The following DNAJC11 variants were observed in gnomAD, a reference collection of about 807,000 sequenced individuals.
DNAJC11 encodes dnaJ homolog subfamily C member 11.
In DNAJC11, 15 loss-of-function variants were observed where a neutral mutation model predicts 78.6. That is an observed-to-expected ratio of 0.19 (90% CI 0.13 to 0.29). The LOEUF (loss-of-function observed/expected upper bound fraction) is 0.29. DNAJC11 is among the 10% of genes least tolerant of loss of function. DNAJC11 has a pLI of 1.00. For missense variants in DNAJC11, 547 were observed against 709.6 expected (o/e 0.77, Z 2.60); for synonymous variants, 292 against 272.1 (o/e 1.07, Z -0.72).
In DNAJC11 at chr1:6,634,384, C is replaced by A; in HGVS notation, c.*1291G>T. The A allele has an allele frequency of 8.4e-7, 1 of 1,191,880 alleles. No individual in the cohort carries two copies. The highest frequency in any genetic ancestry group is 1.1e-6 in the Non-Finnish European group (1 of 912,468). 73.8% of individuals were successfully genotyped at this position (1,191,880 alleles called of 1,614,324 possible). ...AGATGAATGTTACAGAATTGGACAA[C>A]CCGAACTGCTTTTCAAAACCAGAGG... On this transcript the variant is annotated 3_prime_UTR_variant, in exon 16 of 16. Transcript: ENST00000377577.
chr1:6,671,244 G>C (rs1290874038), intron 3 of DNAJC11, among the ~76,000 whole-genome samples: 1 of 152,134 alleles, frequency 6.6e-6, no homozygotes, highest in Non-Finnish European at 1.5e-5. Flanking sequence ...ACAGAGTCTT[G>C]CTCAATTTAT....
At chr1:6,636,088 C>G in intron 15 of DNAJC11, 29 bp downstream of exon 15, 1 of 1,603,250 alleles carries the variant, frequency 6.2e-7, no homozygotes, top group Non-Finnish European at 8.5e-7. Context: ...CCCCCGTTAG[C>G]TGGTGACTGC....
chr1:6,681,154 A>G (rs1642545686), intron 1 of DNAJC11, 117 bp from the exon 2 acceptor site: 1 of 1,099,078 alleles, frequency 9.1e-7, no homozygotes. Context: ...TGCTCTCGAC[A>G]TACAGGATGT....
Position 6,651,706 on chromosome 1 carries a change from C to T in DNAJC11, c.631-104G>A, listed in dbSNP as rs1411897408. ...AGGTATAATTCCTTCATTCAATTCA[C>T]TGGTCTTGCCAGGGCTCTAAAAGAA... On this transcript the variant is annotated intron_variant, in intron 6 of 15. Coordinates refer to ENST00000377577, the MANE Select transcript of DNAJC11 (RefSeq NM_018198.4). 37 of 838,708 alleles carry T rather than the reference C, an allele frequency of 4.4e-5. 1 individual carries two copies. In the Admixed American group the frequency reaches 8.3e-4, roughly 19 times the overall value. The allele number at this position is 838,708 out of a possible 1,614,324, so 52.0% of individuals were successfully genotyped here. A position where few individuals can be genotyped will look rare whatever the true frequency, so the allele number is the denominator to read the frequency against.
At chr1:6,692,469 C>T (rs1340405964) in intron 1 of DNAJC11, among the ~76,000 whole-genome samples, 1 of 151,938 alleles carries the variant, frequency 6.6e-6, no homozygotes, top group Non-Finnish European at 1.5e-5. Context: ...CTGCACCCTA[C>T]TCCCATACTT....
intron 1 of DNAJC11, among the ~76,000 whole-genome samples, chr1:6,690,700 G>A (rs1031193552): frequency 2.0e-5 from 3 of 152,298 alleles, no homozygotes; most frequent in East Asian, 1.9e-4. Context: ...TGAGGTGGGC[G>A]GATCACGAGG....
At chr1:6,639,197 T>C (rs1173307964) in intron 11 of DNAJC11, among the ~76,000 whole-genome samples, 3 of 141,560 alleles carry the variant, frequency 2.1e-5, no homozygotes, top group Middle Eastern at 3.6e-3. Context: ...TGTGTTTCTG[T>C]GACTTTCAAG....
rs558064829 is a variant in DNAJC11 at position 6,688,043 on chromosome 1, T to C, written c.73-7006A>G. Among the ~76,000 whole-genome samples, 291 of 152,356 alleles carry C rather than the reference T, an allele frequency of 1.9e-3. 2 individuals are homozygous for C. The highest frequency in any genetic ancestry group is 3.4e-3 in the Middle Eastern group (1 of 294). ...TCTGAAACTTGTTTTCTTTTACAAA[T>C]GTCATTAGTGGTGCTAGTGCAAAAG... On this transcript the variant is annotated intron_variant, in intron 1 of 15. Coordinates refer to ENST00000377577, the MANE Select transcript of DNAJC11 (RefSeq NM_018198.4).
At chr1:6,674,107 G>GA (rs1463784310) in intron 3 of DNAJC11, among the ~76,000 whole-genome samples, 1 of 152,066 alleles carries the variant, frequency 6.6e-6, no homozygotes, top group Non-Finnish European at 1.5e-5. Flanking sequence ...TTGCCATTCT[G>GA]AAAAAATGAC....
At chr1:6,697,498 C>G (rs1011371339) in intron 1 of DNAJC11, among the ~76,000 whole-genome samples, 1 of 152,196 alleles carries the variant, frequency 6.6e-6, no homozygotes, top group East Asian at 1.9e-4. Flanking sequence ...GGTTCATGCT[C>G]CTATGAGAAG....
chr1:6,701,700 C>T (rs1479510072), intron 1 of DNAJC11, 29 bp downstream of exon 1: 3 of 1,520,972 alleles, frequency 2.0e-6, no homozygotes, highest in Admixed American at 2.1e-5. Context: ...TCGGCCTCAG[C>T]CCCCAGAGCG....
At chr1:6,636,078 C>T (rs546710180) in intron 15 of DNAJC11, 39 bp downstream of exon 15, 1 of 1,592,566 alleles carries the variant, frequency 6.3e-7, no homozygotes, top group South Asian at 1.1e-5. Flanking sequence ...GAGGTCCCCG[C>T]CCCCGTTAGC....
At chr1:6,654,111 C>A (rs1263447006) in intron 4 of DNAJC11, 72 bp from the exon 5 acceptor site, 1 of 1,566,316 alleles carries the variant, frequency 6.4e-7, no homozygotes, top group Non-Finnish European at 8.7e-7. Flanking sequence ...TACACTTCAA[C>A]AGCCAGCTCG....
At chr1:6,666,614 C>G (rs1387146210) in intron 4 of DNAJC11, among the ~76,000 whole-genome samples, 3 of 152,096 alleles carry the variant, frequency 2.0e-5, no homozygotes, top group Admixed American at 6.5e-5. Flanking sequence ...ATTGCCCAGG[C>G]TGGTCTCGAA....
chr1:6,684,469 CTCAG>C (rs1642604364), intron 1 of DNAJC11, among the ~76,000 whole-genome samples: 2 of 152,174 alleles, frequency 1.3e-5, no homozygotes. Flanking sequence ...TTGACTGACT[CTCAG>C]TTAGACTGCT....
chr1:6,662,223 T>C (rs1170988009), intron 4 of DNAJC11, among the ~76,000 whole-genome samples: 1 of 151,664 alleles, frequency 6.6e-6, no homozygotes, highest in Non-Finnish European at 1.5e-5. Context: ...AACGGAGTCT[T>C]GAGCTTGTTG....
At chr1:6,696,173 A>G (rs867418507) in intron 1 of DNAJC11, among the ~76,000 whole-genome samples, 1 of 152,278 alleles carries the variant, frequency 6.6e-6, no homozygotes, top group African/African-American at 2.4e-5. Context: ...TGGAGTCATT[A>G]TAAATATCAA....
chr1:6,644,511 G>A (rs1254266756), intron 10 of DNAJC11, 47 bp downstream of exon 10: 2 of 1,312,812 alleles, frequency 1.5e-6, no homozygotes, highest in African/African-American at 1.4e-5. Flanking sequence ...CTGGTTGAGT[G>A]AAGGTGACAG....
At chr1:6,648,428 T>C (rs1642000715) in intron 7 of DNAJC11, among the ~76,000 whole-genome samples, 1 of 152,126 alleles carries the variant, frequency 6.6e-6, no homozygotes, top group Non-Finnish European at 1.5e-5. Context: ...AGTGTTGGGA[T>C]TACAGGCATG....
Sources: gnomAD v4.1 joint callset for allele counts (sites outside exome capture counted in the v4.1 genomes callset) on GRCh38, gnomAD v4.1.1 for gene constraint, MANE v1.5 for transcripts, NCBI Gene and HGNC (gene_info 2026-07-23, HGNC 2026-07-21) for gene names.